VWA3B: variants seen among roughly 807,000 people sequenced by gnomAD.
VWA3B encodes von Willebrand factor A domain containing 3B, also known as von Willebrand factor A domain-containing protein 3B.
Under a neutral mutation model 158.3 loss-of-function variants are expected in VWA3B, and 138 were observed. That is an observed-to-expected ratio of 0.87 (90% CI 0.76 to 1.00). The LOEUF is 1.00. Ranked by LOEUF, VWA3B falls within the 50% of genes least tolerant of loss-of-function variation. The pLI is 0.00. For synonymous variants in VWA3B, 596 were observed against 587.3 expected, an observed-to-expected ratio of 1.01 and a Z score of -0.21; for missense variants, 1,555 against 1,565.1, an observed-to-expected ratio of 0.99 and a Z score of 0.11.
chr2:98,277,183 C>G (rs10202618), intron 22 of VWA3B, among the ~76,000 whole-genome samples: 63,674 of 151,962 alleles, frequency 0.42, 13,745 homozygotes, highest in Admixed American at 0.47. Context: ...CTGGAGATGG[C>G]CACTTGGCTC....
intron 26 of VWA3B, among the ~76,000 whole-genome samples, chr2:98,304,433 G>A (rs1196469063): frequency 6.6e-6 from 1 of 152,164 alleles, no homozygotes; most frequent in African/African-American, 2.4e-5. Context: ...GTTGGATGTT[G>A]AGCAAGTGTT....
intron 7 of VWA3B, among the ~76,000 whole-genome samples, chr2:98,161,918 C>A (rs1356593139): frequency 1.3e-5 from 2 of 152,080 alleles, no homozygotes; most frequent in African/African-American, 4.8e-5. Context: ...TGTTGGCCAG[C>A]CTGGTCTCGA....
rs1340914031 is a variant in VWA3B, at chr2:98,312,270, C to T, written c.3806C>T (p.Pro1269Leu). 5 of 1,614,202 alleles carry T rather than the reference C, an allele frequency of 3.1e-6. No homozygotes were observed. The South Asian group carries it at 5.5e-5, about 18-fold the overall frequency. Reference protein sequence around the residue: ...LSSHAIIATPPPRAALPCTLQ... With the variant: ...LSSHAIIATPLPRAALPCTLQ... ...AGCCACGCCATCATTGCCACACCTC[C>T]ACCTCGAGCAGCCCTGCCCTGTACT... Residue 1269 changes from proline to leucine, a missense_variant, in exon 28 of 28, where the codon CCA (proline) becomes CTA (leucine). By Grantham distance (98) the Pro-to-Leu change is moderately conservative. Coordinates refer to ENST00000477737, the MANE Select transcript of VWA3B (RefSeq NM_144992.5).
At position 98,115,854 on chromosome 2, in the gene VWA3B, G is replaced by A. The variant is rs1674493950; in HGVS notation, c.291+108G>A. On this transcript the variant is annotated intron_variant, in intron 3 of 27. Coordinates refer to ENST00000477737, the MANE Select transcript of VWA3B (RefSeq NM_144992.5). ...TGCTGCTTGGCAGGGATGCAGCTGA[G>A]CCAAGCCCTTATTAGGCTGGGGGTT... 3.4e-6 allele frequency: 3 copies of A among 872,562 alleles called. No homozygotes were observed. In the South Asian group the frequency reaches 4.7e-5, roughly 14 times the overall value. 54.1% of individuals were successfully genotyped at this position (872,562 alleles called of 1,614,324 possible). A position where few individuals can be genotyped will look rare whatever the true frequency, so the allele number is the denominator to read the frequency against.
At chr2:98,187,343 A>C (rs1681159615) in intron 9 of VWA3B, among the ~76,000 whole-genome samples, 1 of 151,954 alleles carries the variant, frequency 6.6e-6, no homozygotes, top group Admixed American at 6.6e-5. Flanking sequence ...GTGTCTTAGA[A>C]GGTCTCCTAA....
intron 22 of VWA3B, among the ~76,000 whole-genome samples, chr2:98,277,745 G>A (rs1688612588): frequency 6.6e-6 from 1 of 152,148 alleles, no homozygotes; most frequent in Non-Finnish European, 1.5e-5. Context: ...GGCTGGATGA[G>A]GTGGAATTAG....
At chr2:98,113,749 T>C (rs918592572) in intron 2 of VWA3B, among the ~76,000 whole-genome samples, 2 of 152,212 alleles carry the variant, frequency 1.3e-5, no homozygotes, top group Non-Finnish European at 2.9e-5. Context: ...TTCATTGAAA[T>C]AGAATTTATA....
intron 22 of VWA3B, among the ~76,000 whole-genome samples, chr2:98,289,278 A>G (rs1465283553): frequency 1.3e-5 from 2 of 152,010 alleles, no homozygotes; most frequent in Non-Finnish European, 2.9e-5. Context: ...TTTTCCTGGG[A>G]GACTTCCTGC....
intron 9 of VWA3B, among the ~76,000 whole-genome samples, chr2:98,182,931 C>CATTAGAT (rs1263613987): frequency 1.3e-5 from 2 of 151,948 alleles, no homozygotes; most frequent in African/African-American, 4.8e-5. Flanking sequence ...ATAAAAAATA[C>CATTAGAT]ATTAGATTCT....
At chr2:98,247,986 ACTAT>A (rs1174870732) in intron 19 of VWA3B, among the ~76,000 whole-genome samples, 2 of 152,116 alleles carry the variant, frequency 1.3e-5, no homozygotes, top group African/African-American at 2.4e-5. Flanking sequence ...AGTCTGCAGT[ACTAT>A]CTATCACCCA....
At chr2:98,297,772 C>CT (rs1689901680) in intron 23 of VWA3B, 135 bp from the exon 24 acceptor site, 2 of 1,169,262 alleles carry the variant, frequency 1.7e-6, no homozygotes, top group Admixed American at 4.0e-5. Flanking sequence ...AGATTATCTG[C>CT]TGGAGAAATC....
chr2:98,126,662 T>C (rs1675386590), intron 5 of VWA3B, among the ~76,000 whole-genome samples: 1 of 152,242 alleles, frequency 6.6e-6, no homozygotes, highest in Admixed American at 6.5e-5. Context: ...TCAGGGTTTT[T>C]TCTCGCTTCC....
At chr2:98,187,344 G>A (rs1432144934) in intron 9 of VWA3B, among the ~76,000 whole-genome samples, 3 of 152,076 alleles carry the variant, frequency 2.0e-5, no homozygotes, top group African/African-American at 7.3e-5. Flanking sequence ...TGTCTTAGAA[G>A]GTCTCCTAAG....
chr2:98,282,271 T>A (rs1483233715), intron 22 of VWA3B, among the ~76,000 whole-genome samples: 2 of 150,754 alleles, frequency 1.3e-5, no homozygotes, highest in Non-Finnish European at 2.9e-5. Flanking sequence ...GTGCTTCATC[T>A]GTGGTATAGT....
At chr2:98,190,039 TCATTTA>T (rs1289879670) in intron 10 of VWA3B, among the ~76,000 whole-genome samples, 1 of 152,234 alleles carries the variant, frequency 6.6e-6, no homozygotes, top group Non-Finnish European at 1.5e-5. Flanking sequence ...AGTGTTAAAA[TCATTTA>T]CATTTAATGT....
At chr2:98,158,297 T>C (rs1414945782) in intron 7 of VWA3B, among the ~76,000 whole-genome samples, 1 of 151,938 alleles carries the variant, frequency 6.6e-6, no homozygotes, top group African/African-American at 2.4e-5. Flanking sequence ...TACCATCCAG[T>C]TGGCAAAGTC....
chr2:98,197,482 A>T (rs972473305), intron 12 of VWA3B, among the ~76,000 whole-genome samples: 2 of 152,152 alleles, frequency 1.3e-5, no homozygotes, highest in East Asian at 3.8e-4. Context: ...TTAGCCCTCA[A>T]TGTGGATCAT....
At chr2:98,109,284 G>A (rs938178179) in intron 2 of VWA3B, among the ~76,000 whole-genome samples, 7 of 151,992 alleles carry the variant, frequency 4.6e-5, no homozygotes, top group Admixed American at 1.3e-4. Flanking sequence ...GAGCCACCGC[G>A]CCTGGCTATA....
chr2:98,314,639 C>T (rs1187792855), downstream of VWA3B, among the ~76,000 whole-genome samples: 2 of 152,162 alleles, frequency 1.3e-5, no homozygotes, highest in African/African-American at 4.8e-5. Flanking sequence ...TATCCATCAT[C>T]CAACAAGGTA....
Sources: gnomAD v4.1 joint callset for allele counts (sites outside exome capture counted in the v4.1 genomes callset) on GRCh38, gnomAD v4.1.1 for gene constraint, MANE v1.5 for transcripts, NCBI Gene and HGNC (gene_info 2026-07-23, HGNC 2026-07-21) for gene names.